The following TNFAIP1 variants were observed in gnomAD, a reference collection of about 807,000 sequenced individuals.
TNFAIP1 encodes BTB/POZ domain-containing adapter for CUL3-mediated RhoA degradation protein 2.
Under a neutral mutation model 32.6 loss-of-function variants are expected in TNFAIP1, and 20 were observed. That is an observed-to-expected ratio of 0.61 (90% CI 0.43 to 0.89). The LOEUF is 0.89. TNFAIP1 is among the 40% of genes least tolerant of loss of function. The pLI is 0.00. For synonymous variants in TNFAIP1, 166 were observed against 166.8 expected, an observed-to-expected ratio of 1.00 and a Z score of 0.04; for missense variants, 319 against 425.1, an observed-to-expected ratio of 0.75 and a Z score of 2.20.
Position 28,340,691 on chromosome 17 carries a change from A to T in TNFAIP1, c.375+213A>T, listed in dbSNP as rs782107540. On this transcript the variant is annotated intron_variant, in intron 3 of 6. Transcript: ENST00000226225. The surrounding 1 kb of genome is among the most constrained non-coding windows in gnomAD (Gnocchi z 4.1). ...TGAGTAGGCCCTGCTTCTGGTTTCT[A>T]TGCTTTGCTACCCGGATTTTAGGGG... Among the ~76,000 whole-genome samples, 1 of 152,010 alleles carries T rather than the reference A, an allele frequency of 6.6e-6. No homozygotes were observed. Among genetic ancestry groups the T allele is most frequent in the Non-Finnish European group, 1.5e-5 (1 of 67,992 alleles).
At position 28,339,714 on chromosome 17, in the gene TNFAIP1, A is replaced by T. The variant is rs144048032; in HGVS notation, c.193A>T (p.Thr65Ser). 83 of 1,613,622 alleles carry T rather than the reference A, an allele frequency of 5.1e-5. No individual in the cohort carries two copies. The highest frequency in any genetic ancestry group is 6.6e-5 in the Non-Finnish European group (78 of 1,179,928). Residue 65 changes from threonine to serine, a missense_variant, in exon 2 of 7, where the codon ACC (threonine) becomes TCC (serine). Thr to Ser is a moderately conservative substitution (Grantham distance 58, BLOSUM62 1). Transcript: ENST00000226225. ...AMFSGRMEVL[T>S]DKEGWILIDR... ...GTTCAGTGGGCGCATGGAGGTGCTG[A>T]CCGACAAAGAAGGTGAGGCACTGGG...
rs1471241900 is a variant in TNFAIP1, at chr17:28,342,563, C to T, written c.714+121C>T. The T allele has an allele frequency of 1.1e-5, 11 of 994,786 alleles. No homozygotes were observed. The highest frequency in any genetic ancestry group is 5.6e-5 in the Admixed American group (2 of 35,744). 61.6% of individuals were successfully genotyped at this position (994,786 alleles called of 1,614,324 possible). A position where few individuals can be genotyped will look rare whatever the true frequency, so the allele number is the denominator to read the frequency against. ...TGGACTTGGCTCTTTTTTCCAAACACGGTAATGGTGCTGGGCAAGGACAAG... is the reference window on the plus strand; with the variant it reads ...TGGACTTGGCTCTTTTTTCCAAACATGGTAATGGTGCTGGGCAAGGACAAG... On this transcript the variant is annotated intron_variant, in intron 6 of 6. Transcript: ENST00000226225. The surrounding 1 kb of genome is among the most constrained non-coding windows in gnomAD (Gnocchi z 4.0).
chr17:28,341,565 T>C (rs895665318), intron 5 of TNFAIP1, 109 bp downstream of exon 5: 8 of 1,245,896 alleles, frequency 6.4e-6, no homozygotes, highest in African/African-American at 4.5e-5. Flanking sequence ...TGGAACTGGC[T>C]GTGCCAAGTT....
At chr17:28,338,228 A>G (rs1320208263) in intron 1 of TNFAIP1, among the ~76,000 whole-genome samples, 2 of 152,190 alleles carry the variant, frequency 1.3e-5, no homozygotes. Context: ...ACCTCGGCCT[A>G]CTGAGTAGCC....
In TNFAIP1 at chr17:28,342,590, C is replaced by A; in HGVS notation, c.714+148C>A. On this transcript the variant is annotated intron_variant, in intron 6 of 6. Transcript: ENST00000226225. This position sits in a 1 kb window ranked among gnomAD's most constrained non-coding sequence, Gnocchi z 4.0. ...GTAATGGTGCTGGGCAAGGACAAGG[C>A]CAGAACAAGGGGTGTGGGGAATGGA... is the stretch of plus-strand genomic sequence containing the variant. 2 of 754,930 alleles carry A rather than the reference C, an allele frequency of 2.6e-6. No individual in the cohort carries two copies. Among genetic ancestry groups the A allele is most frequent in the Non-Finnish European group, 4.0e-6 (2 of 501,188 alleles). 46.8% of individuals were successfully genotyped at this position (754,930 alleles called of 1,614,324 possible).
chr17:28,337,489 C>G (rs1391842553), intron 1 of TNFAIP1, among the ~76,000 whole-genome samples: 1 of 152,156 alleles, frequency 6.6e-6, no homozygotes, highest in African/African-American at 2.4e-5. Flanking sequence ...CCACCTCAGC[C>G]TCCCGAGCAG....
Position 28,344,385 on chromosome 17 carries a change from A to G in TNFAIP1, c.736A>G (p.Ile246Val). ...CCAGGTGGAATTCCCAGAGGCCCGA[A>G]TCTATGAGGAGACACTCAACGTCCT... The part of the protein sequence containing the change: ...QTKVEFPEAR[I>V]YEETLNVLLY... Residue 246 changes from isoleucine (I) to valine (V), a missense_variant, in exon 7 of 7, where the codon ATC becomes GTC. By Grantham distance (29) the Ile-to-Val change is conservative. Coordinates refer to ENST00000226225, the MANE Select transcript of TNFAIP1 (RefSeq NM_021137.5). 5 of 1,613,566 alleles carry G rather than the reference A, an allele frequency of 3.1e-6. No individual in the cohort carries two copies. The highest frequency in any genetic ancestry group is 2.5e-6 in the Non-Finnish European group (3 of 1,179,902).
chr17:28,336,490 T>G (rs1345411606), intron 1 of TNFAIP1: 1 of 152,208 alleles, frequency 6.6e-6, no homozygotes, highest in African/African-American at 2.4e-5. Context: ...AGGAAGAGAT[T>G]AGCTCTGGAT....
chr17:28,341,358 G>A (rs1275810325), intron 4 of TNFAIP1, 32 bp downstream of exon 4: 4 of 1,614,080 alleles, frequency 2.5e-6, no homozygotes, highest in Admixed American at 1.7e-5. Context: ...GCGGGCCGGG[G>A]ATGCCAGTCC....
rs1907340874 is a variant in TNFAIP1, at chr17:28,340,923, T to G, written c.376-314T>G. On this transcript the variant is annotated intron_variant, in intron 3 of 6. Transcript: ENST00000226225. The surrounding 1 kb of genome is among the most constrained non-coding windows in gnomAD (Gnocchi z 4.1). ...TGGCACCCAGCTAATCTTTGTATTT[T>G]TTGTAGAGATGAGGTTTCACCATGT... Among the ~76,000 whole-genome samples, 1 of 152,096 alleles carries G rather than the reference T, an allele frequency of 6.6e-6. No homozygotes were observed. Among genetic ancestry groups the G allele is most frequent in the Admixed American group, 6.5e-5 (1 of 15,276 alleles).
At chr17:28,341,522 C>G in intron 5 of TNFAIP1, 66 bp downstream of exon 5, 1 of 1,565,042 alleles carries the variant, frequency 6.4e-7, no homozygotes, top group Non-Finnish European at 8.8e-7. Context: ...CCTGTACTCC[C>G]AGCACGGTCG....
Position 28,340,607 on chromosome 17 carries a change from C to T in TNFAIP1, c.375+129C>T. On this transcript the variant is annotated intron_variant, in intron 3 of 6. Transcript: ENST00000226225. The surrounding 1 kb of genome is among the most constrained non-coding windows in gnomAD (Gnocchi z 4.1). ...GTTGATGAGTGCAAACCTAATGAGA[C>T]AAGTGAGATGCCACCCAGGCCCACC... 9.3e-7 allele frequency: 1 copy of T among 1,069,988 alleles called. No homozygotes were observed. The highest frequency in any genetic ancestry group is 2.6e-5 in the East Asian group (1 of 39,070). The allele number at this position is 1,069,988 out of a possible 1,614,324, so 66.3% of individuals were successfully genotyped here. A position where few individuals can be genotyped will look rare whatever the true frequency, so the allele number is the denominator to read the frequency against.
In TNFAIP1 at chr17:28,344,952, A is replaced by C. The variant is rs1379248156; in HGVS notation, c.*352A>C. ...GCCCCTTAGGCCTCAGCTGGGGGAA[A>C]GGCAGTTCTGGTGCTGTAGAGGCCC... On this transcript the variant is annotated 3_prime_UTR_variant, in exon 7 of 7. Coordinates refer to ENST00000226225, the MANE Select transcript of TNFAIP1 (RefSeq NM_021137.5). 1 of 305,936 alleles carries C rather than the reference A, an allele frequency of 3.3e-6. No homozygotes were observed. The highest frequency in any genetic ancestry group is 6.3e-6 in the Non-Finnish European group (1 of 159,734). 19.0% of individuals were successfully genotyped at this position (305,936 alleles called of 1,614,324 possible). A position where few individuals can be genotyped will look rare whatever the true frequency, so the allele number is the denominator to read the frequency against.
chr17:28,341,100 C>T (rs1245580534), intron 3 of TNFAIP1, 137 bp from the exon 4 acceptor site: 16 of 881,616 alleles, frequency 1.8e-5, no homozygotes, highest in African/African-American at 3.3e-5. Flanking sequence ...TTTCTATTGT[C>T]AGGGGCCTCA....
chr17:28,345,833 C>G lies in TNFAIP1; in HGVS notation c.*1233C>G, dbSNP rs1019260457. On this transcript the variant is annotated 3_prime_UTR_variant, in exon 7 of 7. Coordinates refer to ENST00000226225, the MANE Select transcript of TNFAIP1 (RefSeq NM_021137.5). ...TTCACTCCTTGTTGGGTAACTCAGCCATGGAGATGCCAAGCACTAGCCAGG... is the reference window on the plus strand; with the variant it reads ...TTCACTCCTTGTTGGGTAACTCAGCGATGGAGATGCCAAGCACTAGCCAGG... 2 of 152,250 alleles carry G rather than the reference C, an allele frequency of 1.3e-5. No homozygotes were observed. Among genetic ancestry groups the G allele is most frequent in the African/African-American group, 4.8e-5 (2 of 41,460 alleles). The allele number at this position is 152,250 out of a possible 1,614,324, so 9.4% of individuals were successfully genotyped here.
rs1268507508 is a variant in TNFAIP1, at chr17:28,346,258, C to T, written c.*1658C>T. 6.6e-6 allele frequency: 1 copy of T among 152,206 alleles called. No individual in the cohort carries two copies. The allele number at this position is 152,206 out of a possible 1,614,324, so 9.4% of individuals were successfully genotyped here. ...GGTCAGGTACCTTGGTGATCAGCTA[C>T]TAGTTCTTCCAGCCCTCATTGAGGT... On this transcript the variant is annotated 3_prime_UTR_variant, in exon 7 of 7. Transcript: ENST00000226225.
chr17:28,341,415 G>A lies in TNFAIP1; in HGVS notation c.477G>A (p.Lys159=), dbSNP rs1478151976. 3 of 1,614,068 alleles carry A rather than the reference G, an allele frequency of 1.9e-6. No individual in the cohort carries two copies. The highest frequency in any genetic ancestry group is 2.5e-6 in the Non-Finnish European group (3 of 1,180,026). ...GAACTCCTTCACAGCCCGTGGTGAA[G>A]CTGCTGTACAACAGAAGCAACAACA... ...LIESSTKPVV[K]LLYNRSNNKY... Residue 159 remains lysine, a synonymous_variant, in exon 5 of 7, where the codon AAG becomes AAA. Transcript: ENST00000226225.
chr17:28,339,836 T>G, intron 2 of TNFAIP1, 110 bp downstream of exon 2: 8 of 1,157,056 alleles, frequency 6.9e-6, no homozygotes, highest in Non-Finnish European at 9.8e-6. Flanking sequence ...GTAGGGTGTC[T>G]TCACCTGGAG....
rs1555578070 is a variant in TNFAIP1 at position 28,340,960 on chromosome 17, G to C, written c.376-277G>C. The stretch of plus-strand genomic sequence containing the variant: ...AGGTTTCACCATGTTTTCCAGGCTA[G>C]TCTCGAACTGCTGGGCTCAAGTGAT... On this transcript the variant is annotated intron_variant, in intron 3 of 6. Transcript: ENST00000226225. The surrounding 1 kb of genome is among the most constrained non-coding windows in gnomAD (Gnocchi z 4.1). 6.6e-6 allele frequency among the ~76,000 whole-genome samples: 1 copy of C among 152,170 alleles called. No individual in the cohort carries two copies.
Sources: gnomAD v4.1 joint callset for allele counts (sites outside exome capture counted in the v4.1 genomes callset) on GRCh38, gnomAD v4.1.1 for gene constraint, Gnocchi (gnomAD v3.1) non-coding constraint, MANE v1.5 for transcripts, NCBI Gene and HGNC (gene_info 2026-07-23, HGNC 2026-07-21) for gene names.